Variants in PTPRT observed in about 807,000 individuals in gnomAD.
The protein encoded by PTPRT is protein tyrosine phosphatase receptor type T, also known as receptor-type tyrosine-protein phosphatase T.
A neutral mutation model predicts 176.8 loss-of-function variants in PTPRT; 56 were observed. The observed-to-expected ratio is 0.32, with a 90% confidence interval of 0.26 to 0.40. PTPRT has a LOEUF of 0.40. PTPRT is among the 10% of genes least tolerant of loss of function. The pLI is 1.00. For missense variants in PTPRT, 1,540 were observed against 1,908.2 expected, an observed-to-expected ratio of 0.81 and a Z score of 3.60; for synonymous variants, 783 against 739.0, an observed-to-expected ratio of 1.06 and a Z score of -0.96.
At chr20:42,333,867 G>A (rs374724491) in intron 11 of PTPRT, among the ~76,000 whole-genome samples, 3 of 152,140 alleles carry the variant, frequency 2.0e-5, no homozygotes, top group East Asian at 3.9e-4. Flanking sequence ...TTTTAGTACA[G>A]ATGGGTTTTC....
intron 13 of PTPRT, among the ~76,000 whole-genome samples, chr20:42,281,270 C>T (rs1055427536): frequency 6.6e-6 from 1 of 152,142 alleles, no homozygotes; most frequent in Non-Finnish European, 1.5e-5. Context: ...TTATCTCTTT[C>T]CATCCAGGAG....
intron 6 of PTPRT, chr20:42,685,371 C>A (rs1287540668): frequency 6.6e-6 from 1 of 152,142 alleles, no homozygotes; most frequent in Non-Finnish European, 1.5e-5. Context: ...AATGATCAGT[C>A]CTATGAGATG....
At chr20:42,765,645 T>C (rs1254898401) in intron 5 of PTPRT, among the ~76,000 whole-genome samples, 1 of 152,020 alleles carries the variant, frequency 6.6e-6, no homozygotes, top group African/African-American at 2.4e-5. Context: ...TAATATGTAT[T>C]TCATGGAGTT....
At chr20:42,587,942 T>G (rs1046218494) in intron 7 of PTPRT, among the ~76,000 whole-genome samples, 4 of 152,174 alleles carry the variant, frequency 2.6e-5, no homozygotes, top group Admixed American at 6.5e-5. Context: ...ATTTATAAAA[T>G]GGGCACAAAA....
intron 9 of PTPRT, among the ~76,000 whole-genome samples, chr20:42,424,623 A>G (rs1025662074): frequency 3.3e-5 from 5 of 152,120 alleles, no homozygotes; most frequent in African/African-American, 1.2e-4. Context: ...ATTGGAAGTC[A>G]CTGTCTATGA....
chr20:43,100,491 G>T (rs1392465522), intron 1 of PTPRT, among the ~76,000 whole-genome samples: 1 of 152,202 alleles, frequency 6.6e-6, no homozygotes, highest in Non-Finnish European at 1.5e-5. Context: ...TGAATTAAAA[G>T]AACAGTCACT....
At chr20:43,067,811 TA>T (rs1388480460) in intron 1 of PTPRT, among the ~76,000 whole-genome samples, 1 of 148,970 alleles carries the variant, frequency 6.7e-6, no homozygotes, top group Non-Finnish European at 1.5e-5. Context: ...TAAAACTTTT[TA>T]AAAAATAGCT....
Position 42,290,100 on chromosome 20 carries a change from T to C in PTPRT, c.2140-7575A>G, listed in dbSNP as rs189661945. Reference sequence around the variant, plus strand: ...GAGAGGTGTGGCCAGTGTGCCTATGTCCAAAGTGCCCAGTCTTTTCAACAA... The same window carrying C: ...GAGAGGTGTGGCCAGTGTGCCTATGCCCAAAGTGCCCAGTCTTTTCAACAA... On this transcript the variant is annotated intron_variant, in intron 12 of 30. Transcript: ENST00000373187. Among the ~76,000 whole-genome samples, 166 of 152,148 alleles carry C rather than the reference T, an allele frequency of 1.1e-3. 1 individual carries two copies. Among genetic ancestry groups the C allele is most frequent in the Non-Finnish European group, 1.9e-3 (126 of 67,978 alleles).
intron 7 of PTPRT, among the ~76,000 whole-genome samples, chr20:42,596,270 C>T (rs1371484384): frequency 6.6e-6 from 1 of 152,246 alleles, no homozygotes; most frequent in African/African-American, 2.4e-5. Context: ...TGGTAAAAAT[C>T]AGTCCTGACA....
intron 21 of PTPRT, among the ~76,000 whole-genome samples, chr20:42,118,134 G>A (rs1987390373): frequency 6.6e-6 from 1 of 152,202 alleles, no homozygotes; most frequent in Non-Finnish European, 1.5e-5. Context: ...GTGTGACAAT[G>A]AGGGAGTGAA....
chr20:42,730,172 T>C (rs1051241840), intron 6 of PTPRT, among the ~76,000 whole-genome samples: 3 of 152,178 alleles, frequency 2.0e-5, no homozygotes, highest in African/African-American at 7.2e-5. Flanking sequence ...TGGCAGAACA[T>C]AGAACCTTAT....
intron 16 of PTPRT, among the ~76,000 whole-genome samples, chr20:42,169,557 T>C (rs1461500766): frequency 6.6e-6 from 1 of 151,976 alleles, no homozygotes; most frequent in Non-Finnish European, 1.5e-5. Context: ...AATAACTAGT[T>C]GGACAGTGAG....
chr20:42,460,876 CA>C (rs1179482474), intron 8 of PTPRT, among the ~76,000 whole-genome samples: 1 of 152,136 alleles, frequency 6.6e-6, no homozygotes, highest in Non-Finnish European at 1.5e-5. Context: ...TTCTTTATAG[CA>C]GTATGAAAAT....
chr20:42,140,453 G>A (rs564785796), intron 18 of PTPRT, among the ~76,000 whole-genome samples: 4 of 152,272 alleles, frequency 2.6e-5, no homozygotes, highest in African/African-American at 9.6e-5. Flanking sequence ...ACGAATATTT[G>A]GCAGTGACAA....
rs1413842551 is a variant in PTPRT, at chr20:42,485,851, A to G, written c.1154-13289T>C. Among the ~76,000 whole-genome samples the G allele has an allele frequency of 2.0e-5, 3 of 152,330 alleles. No individual in the cohort carries two copies. In the East Asian group the frequency reaches 5.8e-4, roughly 29 times the overall value. On this transcript the variant is annotated intron_variant, in intron 7 of 30. Coordinates refer to ENST00000373187, the MANE Select transcript of PTPRT (RefSeq NM_007050.6). ...TTTGAAATGTACAAGAGTGTCATTA[A>G]ACTGAAGGAACACTTTCAAATGAAA...
chr20:42,550,703 A>G (rs16987035), intron 7 of PTPRT, among the ~76,000 whole-genome samples: 1,683 of 152,186 alleles, frequency 0.011, 36 homozygotes, highest in African/African-American at 0.039. Flanking sequence ...TAAGTTTTAG[A>G]AATTGCTCAA....
At chr20:42,585,039 T>C (rs56789967) in intron 7 of PTPRT, among the ~76,000 whole-genome samples, 1,729 of 152,272 alleles carry the variant, frequency 0.011, 27 homozygotes, top group African/African-American at 0.04. Flanking sequence ...ATCACCAATA[T>C]AGGATAAAGT....
intron 2 of PTPRT, among the ~76,000 whole-genome samples, chr20:42,855,882 GAT>G (rs1328031008): frequency 6.6e-6 from 1 of 152,084 alleles, no homozygotes; most frequent in Non-Finnish European, 1.5e-5. Context: ...TCCCATTTTG[GAT>G]TGACTCCTTC....
intron 1 of PTPRT, among the ~76,000 whole-genome samples, chr20:43,162,846 G>C (rs1447321923): frequency 6.6e-6 from 1 of 152,206 alleles, no homozygotes; most frequent in Admixed American, 6.5e-5. Flanking sequence ...ATCATTTCCT[G>C]CCAGAAACCA....
Sources: gnomAD v4.1 joint callset for allele counts (sites outside exome capture counted in the v4.1 genomes callset) on GRCh38, gnomAD v4.1.1 for gene constraint, MANE v1.5 for transcripts, NCBI Gene and HGNC (gene_info 2026-07-23, HGNC 2026-07-21) for gene names.